DOCK11: variants seen among roughly 807,000 people sequenced by gnomAD.
DOCK11 encodes the protein dedicator of cytokinesis protein 11.
In DOCK11, 70 loss-of-function variants were observed where a neutral mutation model predicts 169.1. The ratio of observed to expected loss-of-function variants is 0.41; its 90% CI spans 0.34 to 0.51. The LOEUF (loss-of-function observed/expected upper bound fraction) is 0.51. DOCK11 is among the 20% of genes least tolerant of loss of function. DOCK11 has a pLI of 0.10. For missense variants in DOCK11, 1,166 were observed against 1,538.8 expected (o/e 0.76, Z 4.05); for synonymous variants, 529 against 541.3 (o/e 0.98, Z 0.32).
intron 52 of DOCK11, 151 bp from the exon 53 acceptor site, chrX:118,685,537 G>A: frequency 3.0e-6 from 2 of 663,028 alleles, no homozygotes; most frequent in Non-Finnish European, 4.3e-6. Flanking sequence ...GACTTAAGTC[G>A]GTAATGTTAT....
rs370799924 is a variant in DOCK11 at position 118,546,143 on chromosome X, A to G, written c.558+27A>G. On this transcript the variant is annotated intron_variant, in intron 6 of 52. Coordinates refer to ENST00000276202, the MANE Select transcript of DOCK11 (RefSeq NM_144658.4). ...TAGGAAGTAGTTATTATATTATTCC[A>G]TCATTTTAATGATATTGGCATAAGT... 4,480 of 906,763 alleles carry G rather than the reference A, an allele frequency of 4.9e-3. 37 individuals are homozygous for G. Among genetic ancestry groups the G allele is most frequent in the South Asian group, 0.036 (1,565 of 42,988 alleles). The allele number at this position is 906,763 out of a possible 1,213,427, so 74.7% of individuals were successfully genotyped here. A position where few individuals can be genotyped will look rare whatever the true frequency, so the allele number is the denominator to read the frequency against.
At chrX:118,673,647 T>C (rs1266941320) in intron 46 of DOCK11, among the ~76,000 whole-genome samples, 1 of 111,856 alleles carries the variant, frequency 8.9e-6, no homozygotes, top group Non-Finnish European at 1.9e-5. Flanking sequence ...GTGTTTTTCC[T>C]TTTTTGTTGA....
Position 118,685,819 on chromosome X carries a change from T to A in DOCK11, c.*12T>A. On this transcript the variant is annotated 3_prime_UTR_variant, in exon 53 of 53. Transcript: ENST00000276202. ...ACGCTGAAGTGTGAGGAAATGCAGA[T>A]GTACGTGACAATGAGACTGACCTTT... The A allele has an allele frequency of 8.3e-7, 1 of 1,209,833 alleles. No individual in the cohort carries two copies. Among genetic ancestry groups the A allele is most frequent in the Non-Finnish European group, 1.1e-6 (1 of 894,494 alleles).
At chrX:118,588,929 A>T (rs1047289953) in intron 18 of DOCK11, among the ~76,000 whole-genome samples, 1 of 112,540 alleles carries the variant, frequency 8.9e-6, no homozygotes. Context: ...ATTGTGGTCT[A>T]TGAAAAGCAG....
intron 16 of DOCK11, among the ~76,000 whole-genome samples, chrX:118,587,870 T>C (rs2013863134): frequency 8.9e-6 from 1 of 111,909 alleles, no homozygotes; most frequent in Non-Finnish European, 1.9e-5. Context: ...TTATGATGTG[T>C]TATATTTGGC....
At chrX:118,683,830 A>G (rs947830167) in intron 52 of DOCK11, among the ~76,000 whole-genome samples, 1 of 112,170 alleles carries the variant, frequency 8.9e-6, no homozygotes, top group Non-Finnish European at 1.9e-5. Context: ...ACTTGTCTGT[A>G]TCAGTTATTC....
rs756603912 is a variant in DOCK11 at position 118,590,201 on chromosome X, C to A, written c.2047-9C>A. On this transcript the variant is annotated splice_polypyrimidine_tract_variant and intron_variant, in intron 18 of 52. Coordinates refer to ENST00000276202, the MANE Select transcript of DOCK11 (RefSeq NM_144658.4). ...TTTAGAGCGGTGACTCTGTTTCTTT[C>A]TTTTGCAGTGTATTTATGGAAAACC... 1.7e-6 allele frequency: 2 copies of A among 1,197,088 alleles called. No homozygotes were observed. Among genetic ancestry groups the A allele is most frequent in the Non-Finnish European group, 2.3e-6 (2 of 884,370 alleles).
At chrX:118,557,923 T>C (rs1353845374) in intron 6 of DOCK11, among the ~76,000 whole-genome samples, 2 of 108,505 alleles carry the variant, frequency 1.8e-5, no homozygotes, top group East Asian at 2.9e-4. Flanking sequence ...ATTCTCTTTG[T>C]AGCCATTATC....
chrX:118,636,003 G>A lies in DOCK11; in HGVS notation c.3887-343G>A, dbSNP rs368581714. 4.0e-4 allele frequency among the ~76,000 whole-genome samples: 45 copies of A among 111,465 alleles called. No homozygotes were observed. The East Asian group carries it at 7.6e-3, about 19-fold the overall frequency. ...ACACCATCTGGCATAAAATTTTAGGGAGTTCATTCAAAACACCTCATCTAA... is the reference window on the plus strand; with the variant it reads ...ACACCATCTGGCATAAAATTTTAGGAAGTTCATTCAAAACACCTCATCTAA... On this transcript the variant is annotated intron_variant, in intron 35 of 52. Transcript: ENST00000276202.
chrX:118,651,990 A>G lies in DOCK11; in HGVS notation c.4608A>G (p.Ile1536Met), dbSNP rs868341652. The G allele has an allele frequency of 1.7e-6, 2 of 1,200,229 alleles. No individual in the cohort carries two copies. The highest frequency in any genetic ancestry group is 4.7e-4 in the Middle Eastern group (2 of 4,284). Residue 1536 changes from isoleucine (I) to methionine (M), a missense_variant, in exon 42 of 53, where the codon ATA becomes ATG. Transcript: ENST00000276202. ...LQIIIAVSQL[I>M]ADVALSGGSR... ...TAATAATTGCTGTAAGCCAACTGAT[A>G]GCTGATGTAGCACTAAGCGGAGGAT... is the stretch of plus-strand genomic sequence containing the variant.
At position 118,605,305 on chromosome X, in the gene DOCK11, G is replaced by T; in HGVS notation, c.2630G>T (p.Arg877Leu). The part of the protein sequence containing the change: ...FLPVILMQLF[R>L]VLTNMTHEDD... ...CCTGTAATTCTTATGCAACTCTTCC[G>T]AGTTCTCACAAATATGACCCATGAA... Residue 877 changes from arginine (R) to leucine (L), a missense_variant, in exon 24 of 53, where the codon CGA becomes CTA. Arg to Leu is a moderately radical substitution (Grantham distance 102). Coordinates refer to ENST00000276202, the MANE Select transcript of DOCK11 (RefSeq NM_144658.4). The T allele has an allele frequency of 8.3e-7, 1 of 1,202,573 alleles. No homozygotes were observed. Among genetic ancestry groups the T allele is most frequent in the South Asian group, 1.8e-5 (1 of 55,109 alleles).
chrX:118,507,368 AT>A (rs35910696), intron 1 of DOCK11, among the ~76,000 whole-genome samples: 27 of 100,903 alleles, frequency 2.7e-4, no homozygotes, highest in African/African-American at 3.9e-4. Context: ...TTTGTATAAG[AT>A]TTTTTTTTTT....
intron 48 of DOCK11, among the ~76,000 whole-genome samples, chrX:118,677,499 G>A (rs991314089): frequency 8.9e-6 from 1 of 112,133 alleles, no homozygotes; most frequent in African/African-American, 3.2e-5. Context: ...TAAAGTTCAA[G>A]ATTTGTATCC....
At position 118,685,997 on chromosome X, in the gene DOCK11, C is replaced by G. The variant is rs1271425105; in HGVS notation, c.*190C>G. The G allele has an allele frequency of 6.5e-6, 3 of 462,867 alleles. No homozygotes were observed. The Admixed American group carries it at 1.5e-4, about 23-fold the overall frequency. 38.1% of individuals were successfully genotyped at this position (462,867 alleles called of 1,213,427 possible). On this transcript the variant is annotated 3_prime_UTR_variant, in exon 53 of 53. Coordinates refer to ENST00000276202, the MANE Select transcript of DOCK11 (RefSeq NM_144658.4). Reference sequence around the variant, plus strand: ...TGAAAGTGCCTGGAAAATTGCACCACTGTGCTTGGTTTGTACTTTTTTAGG... The same window carrying G: ...TGAAAGTGCCTGGAAAATTGCACCAGTGTGCTTGGTTTGTACTTTTTTAGG...
intron 46 of DOCK11, among the ~76,000 whole-genome samples, chrX:118,671,805 C>A (rs1015766678): frequency 3.6e-5 from 4 of 111,760 alleles, no homozygotes; most frequent in African/African-American, 1.3e-4. Context: ...TCAGCCTTCC[C>A]AGTAGCTGGG....
chrX:118,551,899 G>A (rs963707577), intron 6 of DOCK11, among the ~76,000 whole-genome samples: 46 of 110,405 alleles, frequency 4.2e-4, no homozygotes, highest in African/African-American at 1.5e-3. Context: ...TTAGCTAGGC[G>A]TGGTGGTGCA....
intron 45 of DOCK11, among the ~76,000 whole-genome samples, chrX:118,668,896 A>G (rs2147575016): frequency 8.9e-6 from 1 of 111,798 alleles, no homozygotes; most frequent in African/African-American, 3.2e-5. Flanking sequence ...AAGACACACC[A>G]TTGTGCTTCA....
chrX:118,511,952 C>T (rs749953633), intron 1 of DOCK11, among the ~76,000 whole-genome samples: 13 of 112,547 alleles, frequency 1.2e-4, no homozygotes, highest in Non-Finnish European at 2.3e-4. Context: ...CTCACTCTGT[C>T]GCCCAGGCTG....
At position 118,608,132 on chromosome X, in the gene DOCK11, A is replaced by G. The variant is rs984718922; in HGVS notation, c.2742A>G (p.Ser914=). The G allele has an allele frequency of 1.3e-5, 16 of 1,204,387 alleles. No homozygotes were observed. The highest frequency in any genetic ancestry group is 1.8e-5 in the South Asian group (1 of 55,507). The change falls in exon 25 of 53, where the codon TCA becomes TCG. Residue 914 remains serine (S), a synonymous_variant. Coordinates refer to ENST00000276202, the MANE Select transcript of DOCK11 (RefSeq NM_144658.4). ...AAGGCTTGGATAGTTATCTAAGATC[A>G]TTCATAAAGGTTTGTGGAGTAAAGT... ...HEEGLDSYLR[S]FIKYSFRPEK...
Sources: gnomAD v4.1 joint callset for allele counts (sites outside exome capture counted in the v4.1 genomes callset) on GRCh38, gnomAD v4.1.1 for gene constraint, MANE v1.5 for transcripts, NCBI Gene and HGNC (gene_info 2026-07-23, HGNC 2026-07-21) for gene names.